The following STRN3 variants were observed in gnomAD, a reference collection of about 807,000 sequenced individuals.
STRN3 encodes striatin 3.
STRN3 carries 29 observed loss-of-function variants against 95.6 expected under a neutral mutation model. That is an observed-to-expected ratio of 0.30 (90% CI 0.23 to 0.41). STRN3 has a LOEUF of 0.41. Ranked by LOEUF, STRN3 falls within the 10% of genes least tolerant of loss-of-function variation. The pLI, the probability that STRN3 is intolerant of heterozygous loss-of-function variation, is 1.00. For synonymous variants in STRN3, 331 were observed against 357.6 expected (o/e 0.93, Z 0.84); for missense variants, 890 against 972.1 (o/e 0.92, Z 1.12).
At chr14:30,982,863 C>G (rs890222024) in intron 1 of STRN3, among the ~76,000 whole-genome samples, 4 of 151,978 alleles carry the variant, frequency 2.6e-5, no homozygotes, top group South Asian at 4.1e-4. Context: ...TGCTTATTGC[C>G]TGGGTGATGA....
intron 1 of STRN3, among the ~76,000 whole-genome samples, chr14:30,998,237 A>G (rs892241410): frequency 3.3e-5 from 5 of 152,224 alleles, no homozygotes; most frequent in African/African-American, 7.2e-5. Context: ...CATCCAGCAT[A>G]AACAGGTGTC....
At chr14:30,934,912 A>G (rs78721252) in intron 7 of STRN3, among the ~76,000 whole-genome samples, 8,588 of 152,256 alleles carry the variant, frequency 0.056, 438 homozygotes, top group East Asian at 0.21. Flanking sequence ...AATCAATTAA[A>G]TGTTTCAACT....
chr14:30,952,452 C>T (rs1184679392), intron 3 of STRN3, among the ~76,000 whole-genome samples: 2 of 151,984 alleles, frequency 1.3e-5, no homozygotes, highest in African/African-American at 4.8e-5. Context: ...GCAATCCCAG[C>T]ACTTTGGGAG....
intron 1 of STRN3, chr14:31,014,830 A>C (rs1164073311): frequency 9.6e-6 from 4 of 416,314 alleles, no homozygotes; most frequent in South Asian, 5.3e-5. Flanking sequence ...AAAAAAAAAA[A>C]CAGGGTCTCA....
intron 1 of STRN3, among the ~76,000 whole-genome samples, chr14:30,965,006 A>G (rs556975089): frequency 6.6e-6 from 1 of 152,224 alleles, no homozygotes; most frequent in Admixed American, 6.5e-5. Context: ...CTAGTTAGAC[A>G]TGTCATTATT....
rs992772526 is a variant in STRN3 at position 31,018,754 on chromosome 14, T to A, written c.282+7150A>T. The A allele has an allele frequency of 5.3e-5, 25 of 474,822 alleles. No individual in the cohort carries two copies. In the Admixed American group the frequency reaches 5.9e-4, roughly 11 times the overall value. 29.4% of individuals were successfully genotyped at this position (474,822 alleles called of 1,614,324 possible). On this transcript the variant is annotated intron_variant, in intron 1 of 17. Coordinates refer to ENST00000357479, the MANE Select transcript of STRN3 (RefSeq NM_001083893.2). Reference sequence around the variant, plus strand: ...AGATGAGGGCCATGGTGCTCCGAACTTGCTCAAATCAATAGCAAAGCAGAG... The same window carrying A: ...AGATGAGGGCCATGGTGCTCCGAACATGCTCAAATCAATAGCAAAGCAGAG...
chr14:30,911,903 T>G (rs2138990037), intron 11 of STRN3, 79 bp from the exon 12 acceptor site: 2 of 1,558,870 alleles, frequency 1.3e-6, no homozygotes, highest in South Asian at 2.4e-5. Flanking sequence ...TAAATAGTCA[T>G]TAGATCAAAT....
chr14:30,992,503 TCAGCCTC>T (rs1201597620), intron 1 of STRN3, among the ~76,000 whole-genome samples: 1 of 136,208 alleles, frequency 7.3e-6, no homozygotes, highest in African/African-American at 2.8e-5. Flanking sequence ...TCCACCAGCC[TCAGCCTC>T]CAAAAGTTCT....
intron 9 of STRN3, 58 bp from the exon 10 acceptor site, chr14:30,913,715 T>C (rs547403909): frequency 1.6e-5 from 25 of 1,543,614 alleles, no homozygotes; most frequent in East Asian, 4.5e-5. Flanking sequence ...CAAGACAATA[T>C]TGTGGGGAAA....
In STRN3 at chr14:30,975,994, G is replaced by A. The variant is rs370400103; in HGVS notation, c.283-19752C>T. 4.6e-5 allele frequency among the ~76,000 whole-genome samples: 7 copies of A among 152,224 alleles called. No individual in the cohort carries two copies. The South Asian group carries it at 8.3e-4, about 18-fold the overall frequency. On this transcript the variant is annotated intron_variant, in intron 1 of 17. Transcript: ENST00000357479. ...TAAAATTCTCAAACCAGAGAAGGCAGAAAAAGAGGATTATAAACAAAGAAC... is the reference window on the plus strand; with the variant it reads ...TAAAATTCTCAAACCAGAGAAGGCAAAAAAAGAGGATTATAAACAAAGAAC...
chr14:30,968,342 G>A (rs1435740721), intron 1 of STRN3, among the ~76,000 whole-genome samples: 4 of 146,666 alleles, frequency 2.7e-5, no homozygotes, highest in African/African-American at 1.0e-4. Flanking sequence ...TAAAAAGAAC[G>A]TTATATGGTA....
At chr14:30,901,027 T>G (rs1232912538) in intron 16 of STRN3, among the ~76,000 whole-genome samples, 1 of 152,174 alleles carries the variant, frequency 6.6e-6, no homozygotes, top group African/African-American at 2.4e-5. Flanking sequence ...TCTTCAATAA[T>G]TAATAAACAG....
chr14:30,911,964 C>G lies in STRN3; in HGVS notation c.1550+43G>C, dbSNP rs759451554. The G allele has an allele frequency of 2.5e-6, 4 of 1,584,864 alleles. No homozygotes were observed. The South Asian group carries it at 4.7e-5, about 18-fold the overall frequency. ...AATGAGGAATAATTACTTATATTAG[C>G]AAAATTGGAAGAAATACACCAGGCT... On this transcript the variant is annotated intron_variant, in intron 11 of 17. Transcript: ENST00000357479.
chr14:30,976,770 T>C (rs1881122942), intron 1 of STRN3, among the ~76,000 whole-genome samples: 1 of 152,224 alleles, frequency 6.6e-6, no homozygotes, highest in Non-Finnish European at 1.5e-5. Flanking sequence ...AGTGAAACAC[T>C]GGTCAAAGAA....
chr14:30,944,333 A>C (rs932345679), intron 5 of STRN3, among the ~76,000 whole-genome samples: 1 of 151,948 alleles, frequency 6.6e-6, no homozygotes, highest in Non-Finnish European at 1.5e-5. Context: ...CTGAAATCAC[A>C]GTATAGAAAA....
rs59688177 is a variant in STRN3, at chr14:30,930,119, T to C, written c.989-808A>G. 9.1e-3 allele frequency among the ~76,000 whole-genome samples: 1,391 copies of C among 152,170 alleles called. 22 individuals are homozygous for C. The highest frequency in any genetic ancestry group is 0.031 in the African/African-American group (1,308 of 41,552). On this transcript the variant is annotated intron_variant, in intron 7 of 17. Transcript: ENST00000357479. ...CTATTTTAGCTGAATAATAAATCTGTATTTAACTAAATACTTGTGACTGAG... is the reference window on the plus strand; with the variant it reads ...CTATTTTAGCTGAATAATAAATCTGCATTTAACTAAATACTTGTGACTGAG...
chr14:30,966,694 GTGAA>G (rs1207193655), intron 1 of STRN3, among the ~76,000 whole-genome samples: 10 of 152,146 alleles, frequency 6.6e-5, no homozygotes, highest in African/African-American at 2.4e-4. Flanking sequence ...GTGTGCGTGC[GTGAA>G]TGATCATCAA....
At chr14:30,973,788 T>C (rs1255278718) in intron 1 of STRN3, among the ~76,000 whole-genome samples, 1 of 152,196 alleles carries the variant, frequency 6.6e-6, no homozygotes, top group Non-Finnish European at 1.5e-5. Flanking sequence ...CAAGAGGGAT[T>C]TATTCCTGTA....
chr14:30,937,916 C>G (rs1349316685), intron 5 of STRN3, among the ~76,000 whole-genome samples: 1 of 152,070 alleles, frequency 6.6e-6, no homozygotes, highest in Non-Finnish European at 1.5e-5. Context: ...CCCTTGGTTT[C>G]CATGAGGCAG....
Sources: allele counts gnomAD v4.1 joint callset (sites outside exome capture counted in the v4.1 genomes callset), GRCh38; gene constraint gnomAD v4.1.1; transcripts MANE v1.5; gene names NCBI Gene and HGNC (gene_info 2026-07-23, HGNC 2026-07-21).